AK5: variants seen among roughly 807,000 people sequenced by gnomAD.
AK5 encodes adenylate kinase 5.
In AK5, 27 loss-of-function variants were observed where a neutral mutation model predicts 69.5. The ratio of observed to expected loss-of-function variants is 0.39; its 90% confidence interval spans 0.29 to 0.54. The LOEUF is 0.54. Ranked by LOEUF, AK5 falls within the 20% of genes least tolerant of loss-of-function variation. The pLI is 0.71. For synonymous variants in AK5, 260 were observed against 244.4 expected, an observed-to-expected ratio of 1.06 and a Z score of -0.60; for missense variants, 531 against 700.4, an observed-to-expected ratio of 0.76 and a Z score of 2.73.
intron 5 of AK5, among the ~76,000 whole-genome samples, chr1:77,321,133 G>T (rs1660505014): frequency 6.6e-6 from 1 of 152,146 alleles, no homozygotes; most frequent in African/African-American, 2.4e-5. Flanking sequence ...GTGATTTTGA[G>T]TGTGTATGGT....
At chr1:77,418,788 C>CG (rs5775397) in intron 8 of AK5, among the ~76,000 whole-genome samples, 23,823 of 152,040 alleles carry the variant, frequency 0.16, 1,972 homozygotes, top group African/African-American at 0.2. Context: ...ACAGATCAGA[C>CG]CAGTGTCCAT....
intron 12 of AK5, among the ~76,000 whole-genome samples, chr1:77,522,151 C>T (rs1376751968): frequency 6.6e-6 from 1 of 152,094 alleles, no homozygotes; most frequent in East Asian, 1.9e-4. Flanking sequence ...TGGTTGACTC[C>T]AGATATCCAA....
intron 8 of AK5, among the ~76,000 whole-genome samples, chr1:77,433,809 T>A (rs1213189983): frequency 1.3e-5 from 2 of 152,060 alleles, no homozygotes; most frequent in Non-Finnish European, 2.9e-5. Flanking sequence ...TTTAATTTCA[T>A]GTAATTAATT....
At chr1:77,308,362 C>T (rs1219842904) in intron 5 of AK5, among the ~76,000 whole-genome samples, 1 of 150,722 alleles carries the variant, frequency 6.6e-6, no homozygotes, top group Admixed American at 6.7e-5. Flanking sequence ...AGTAGTTTCT[C>T]CAGGAGATGG....
At chr1:77,424,329 T>C (rs527500512) in intron 8 of AK5, among the ~76,000 whole-genome samples, 6 of 152,224 alleles carry the variant, frequency 3.9e-5, no homozygotes, top group African/African-American at 1.4e-4. Context: ...GGCATGATCA[T>C]AGCTCACTGC....
chr1:77,530,064 C>T (rs1658494644), intron 12 of AK5, among the ~76,000 whole-genome samples: 1 of 152,180 alleles, frequency 6.6e-6, no homozygotes, highest in Admixed American at 6.5e-5. Flanking sequence ...GTATTCTAAT[C>T]TTCAGAATGA....
intron 12 of AK5, among the ~76,000 whole-genome samples, chr1:77,526,515 G>T (rs372853378): frequency 8.3e-6 from 1 of 120,704 alleles, no homozygotes; most frequent in African/African-American, 3.2e-5. Flanking sequence ...TCGCTCTGTC[G>T]CCCAGGCTGG....
At chr1:77,283,074 A>G (rs1658151692) in intron 1 of AK5, 4 of 985,094 alleles carry the variant, frequency 4.1e-6, no homozygotes, top group Non-Finnish European at 4.8e-6. Context: ...AGGGGGGCGG[A>G]CTCCTGTTGC....
intron 6 of AK5, among the ~76,000 whole-genome samples, chr1:77,344,368 A>G (rs1480644658): frequency 6.6e-6 from 1 of 152,228 alleles, no homozygotes; most frequent in Non-Finnish European, 1.5e-5. Context: ...AGACATATTT[A>G]TATGTTGTCT....
chr1:77,454,852 A>G (rs1443768832), intron 8 of AK5, among the ~76,000 whole-genome samples: 1 of 151,966 alleles, frequency 6.6e-6, no homozygotes, highest in Admixed American at 6.6e-5. Flanking sequence ...AGTTTAGTTC[A>G]TAAATTACAA....
At chr1:77,297,441 CTGT>C in intron 3 of AK5, 115 bp from the exon 4 acceptor site, 2 of 876,928 alleles carry the variant, frequency 2.3e-6, no homozygotes, top group Non-Finnish European at 3.4e-6. Flanking sequence ...ACAAATGGAA[CTGT>C]TAACCACCCT....
intron 6 of AK5, among the ~76,000 whole-genome samples, chr1:77,351,414 A>G (rs1285887863): frequency 2.0e-5 from 3 of 152,192 alleles, no homozygotes; most frequent in Non-Finnish European, 4.4e-5. Flanking sequence ...AAATAAATAT[A>G]TGAATAGCTA....
chr1:77,325,767 C>T (rs1259310791), intron 5 of AK5, among the ~76,000 whole-genome samples: 1 of 151,664 alleles, frequency 6.6e-6, no homozygotes, highest in East Asian at 1.9e-4. Context: ...TCTCTTTCAT[C>T]TAGTGTGGTA....
At chr1:77,478,533 G>A (rs1247590816) in intron 8 of AK5, among the ~76,000 whole-genome samples, 3 of 152,118 alleles carry the variant, frequency 2.0e-5, no homozygotes, top group Admixed American at 1.3e-4. Flanking sequence ...CTTCAGCCAC[G>A]TGGGACCATG....
intron 10 of AK5, among the ~76,000 whole-genome samples, chr1:77,491,782 A>G (rs554259448): frequency 6.6e-6 from 1 of 152,324 alleles, no homozygotes; most frequent in Admixed American, 6.5e-5. Context: ...TACATAAAGC[A>G]CTTTATAATG....
chr1:77,539,981 G>C (rs750524004), intron 13 of AK5, among the ~76,000 whole-genome samples: 1 of 152,022 alleles, frequency 6.6e-6, no homozygotes, highest in African/African-American at 2.4e-5. Flanking sequence ...TAAAGCCACA[G>C]GGGGGGCCAA....
chr1:77,480,651 C>G (rs757195559), intron 8 of AK5, among the ~76,000 whole-genome samples: 1 of 152,088 alleles, frequency 6.6e-6, no homozygotes, highest in Non-Finnish European at 1.5e-5. Context: ...TCAACATTAC[C>G]TAGATAGATT....
chr1:77,410,665 A>G (rs1000201508), intron 6 of AK5, among the ~76,000 whole-genome samples: 1 of 152,132 alleles, frequency 6.6e-6, no homozygotes, highest in Non-Finnish European at 1.5e-5. Context: ...ATGTTTTTCA[A>G]ATTAGAAAAA....
At chr1:77,497,073 C>A (rs547809492) in intron 10 of AK5, among the ~76,000 whole-genome samples, 44 of 152,340 alleles carry the variant, frequency 2.9e-4, no homozygotes, top group Admixed American at 2.0e-3. Context: ...CTTGCTGCTG[C>A]TGATCACTTT....
Sources: gnomAD v4.1 joint callset for allele counts (sites outside exome capture counted in the v4.1 genomes callset) on GRCh38, gnomAD v4.1.1 for gene constraint, MANE v1.5 for transcripts, NCBI Gene and HGNC (gene_info 2026-07-23, HGNC 2026-07-21) for gene names.